SMYD3: variants seen among roughly 807,000 people sequenced by gnomAD.
SMYD3 encodes histone-lysine N-methyltransferase SMYD3.
SMYD3 carries 36 observed loss-of-function variants against 57.7 expected under a neutral mutation model. That is an observed-to-expected ratio of 0.62 (90% CI 0.48 to 0.82). SMYD3 has a LOEUF of 0.82. Among genes scored for constraint, SMYD3 ranks in the 40% least tolerant of loss-of-function variants. The probability of loss-of-function intolerance (pLI) is 0.00; values close to 1 mark genes in which losing one functional copy is unlikely to be tolerated. For missense variants in SMYD3, 515 were observed against 538.8 expected (o/e 0.96, Z 0.44); for synonymous variants, 211 against 195.0 (o/e 1.08, Z -0.68).
chr1:246,133,751 G>C (rs2061623859), intron 5 of SMYD3, among the ~76,000 whole-genome samples: 1 of 152,028 alleles, frequency 6.6e-6, no homozygotes, highest in Non-Finnish European at 1.5e-5. Flanking sequence ...ATGTGCAAGC[G>C]AGCTGAATGC....
At chr1:245,966,168 TTC>T (rs752119449) in intron 5 of SMYD3, among the ~76,000 whole-genome samples, 2 of 152,118 alleles carry the variant, frequency 1.3e-5, no homozygotes, top group East Asian at 1.9e-4. Context: ...CCTTCTCTCC[TTC>T]TCTCTCTCTC....
chr1:245,873,491 A>G (rs2052329612), intron 8 of SMYD3, among the ~76,000 whole-genome samples: 1 of 152,198 alleles, frequency 6.6e-6, no homozygotes, highest in Non-Finnish European at 1.5e-5. Flanking sequence ...TCTCCTGACA[A>G]TAGCCATTAA....
At chr1:246,499,644 C>T (rs1293329854) in intron 1 of SMYD3, among the ~76,000 whole-genome samples, 1 of 151,854 alleles carries the variant, frequency 6.6e-6, no homozygotes, top group Non-Finnish European at 1.5e-5. Context: ...TTAGTAGAGA[C>T]GGGGTTTCGC....
At chr1:245,813,005 CTTTTTTT>C (rs770448717) in intron 10 of SMYD3, among the ~76,000 whole-genome samples, 899 of 75,592 alleles carry the variant, frequency 0.012, 10 homozygotes, top group African/African-American at 0.04. Flanking sequence ...GAGACAGCTT[CTTTTTTT>C]TTTTTTTTTT....
At chr1:246,387,306 TTATCTA>T (rs2066499468) in intron 1 of SMYD3, among the ~76,000 whole-genome samples, 1 of 152,226 alleles carries the variant, frequency 6.6e-6, no homozygotes, top group African/African-American at 2.4e-5. Flanking sequence ...TTCAGACTTC[TTATCTA>T]TAACATGGAG....
chr1:246,220,607 T>C (rs1330412386), intron 5 of SMYD3, among the ~76,000 whole-genome samples: 1 of 152,014 alleles, frequency 6.6e-6, no homozygotes, highest in African/African-American at 2.4e-5. Flanking sequence ...CAGGGCTGAG[T>C]CCGGGCACCA....
rs41308148 is a variant in SMYD3 at position 245,928,048 on chromosome 1, G to C, written c.600-15C>G. On this transcript the variant is annotated splice_polypyrimidine_tract_variant and intron_variant, in intron 6 of 11. Coordinates refer to ENST00000490107, the MANE Select transcript of SMYD3 (RefSeq NM_001167740.2). ...GCAAAGAGATACTGGAAAAAAAAAG[G>C]GGGGAAGACTGTCACAGCTCAGCAG... 1.4e-5 allele frequency: 23 copies of C among 1,600,534 alleles called. No homozygotes were observed. In the South Asian group the frequency reaches 1.7e-4, roughly 12 times the overall value.
intron 2 of SMYD3, among the ~76,000 whole-genome samples, chr1:246,338,104 C>G (rs1346007581): frequency 6.6e-6 from 1 of 152,144 alleles, no homozygotes; most frequent in African/African-American, 2.4e-5. Flanking sequence ...AAAGCCAAAT[C>G]AGATCATTTA....
intron 5 of SMYD3, among the ~76,000 whole-genome samples, chr1:246,048,733 C>G (rs2060012013): frequency 6.6e-6 from 1 of 151,450 alleles, no homozygotes; most frequent in Non-Finnish European, 1.5e-5. Flanking sequence ...ATGATAGCAA[C>G]TTCACAAGGT....
chr1:245,889,804 A>G (rs2053281033), intron 8 of SMYD3, among the ~76,000 whole-genome samples: 1 of 152,218 alleles, frequency 6.6e-6, no homozygotes, highest in Admixed American at 6.5e-5. Context: ...AAAAAGAACA[A>G]AACTGAAGGA....
chr1:246,330,255 T>C (rs1217861657), intron 4 of SMYD3, among the ~76,000 whole-genome samples: 4 of 152,242 alleles, frequency 2.6e-5, no homozygotes, highest in Non-Finnish European at 5.9e-5. Context: ...CACTACCCCA[T>C]GTAACCTGAA....
intron 5 of SMYD3, among the ~76,000 whole-genome samples, chr1:246,277,894 T>C (rs1306668664): frequency 6.6e-6 from 1 of 152,200 alleles, no homozygotes; most frequent in East Asian, 1.9e-4. Flanking sequence ...CAAAGGGACA[T>C]ATGGCAACTT....
At chr1:246,304,605 G>A (rs762144168) in intron 5 of SMYD3, among the ~76,000 whole-genome samples, 1 of 152,124 alleles carries the variant, frequency 6.6e-6, no homozygotes, top group African/African-American at 2.4e-5. Flanking sequence ...CCCAAAGCAT[G>A]AAAATCCACT....
chr1:245,939,609 G>C (rs529607857), intron 5 of SMYD3, among the ~76,000 whole-genome samples: 3 of 149,404 alleles, frequency 2.0e-5, no homozygotes, highest in African/African-American at 7.3e-5. Context: ...CCTGGCGACA[G>C]AGCAAGACTC....
intron 1 of SMYD3, among the ~76,000 whole-genome samples, chr1:246,416,042 TAA>T (rs2102991786): frequency 6.6e-6 from 1 of 152,350 alleles, no homozygotes; most frequent in Non-Finnish European, 1.5e-5. Flanking sequence ...GTTTTGCCAT[TAA>T]AAGTAATTAA....
chr1:245,855,263 C>T (rs1264358186), intron 10 of SMYD3, among the ~76,000 whole-genome samples: 9 of 152,010 alleles, frequency 5.9e-5, no homozygotes, highest in Admixed American at 6.6e-5. Flanking sequence ...TAATATTCGA[C>T]GCACAAAAAT....
chr1:246,369,932 G>C (rs1167702214), intron 1 of SMYD3, among the ~76,000 whole-genome samples: 1 of 152,084 alleles, frequency 6.6e-6, no homozygotes, highest in Non-Finnish European at 1.5e-5. Flanking sequence ...AGTATTTCGA[G>C]GAAAATTAAT....
chr1:246,185,494 G>A (rs1387796298), intron 5 of SMYD3, among the ~76,000 whole-genome samples: 11 of 118,382 alleles, frequency 9.3e-5, no homozygotes, highest in African/African-American at 3.2e-4. Context: ...TTGCTCTGTC[G>A]CCCAGGCTGG....
At chr1:245,986,684 G>A (rs2058711518) in intron 5 of SMYD3, among the ~76,000 whole-genome samples, 1 of 152,106 alleles carries the variant, frequency 6.6e-6, no homozygotes. Context: ...AAGTCTCCAT[G>A]TCTCCACTCT....
Sources: gnomAD v4.1 joint callset for allele counts (sites outside exome capture counted in the v4.1 genomes callset) on GRCh38, gnomAD v4.1.1 for gene constraint, MANE v1.5 for transcripts, NCBI Gene and HGNC (gene_info 2026-07-23, HGNC 2026-07-21) for gene names.